COL19A1: variants seen among roughly 807,000 people sequenced by gnomAD.
COL19A1 encodes collagen type XIX alpha 1 chain.
In COL19A1, 159 loss-of-function variants were observed where a neutral mutation model predicts 190.2. The ratio of observed to expected loss-of-function variants is 0.84; its 90% CI spans 0.73 to 0.95. The LOEUF (loss-of-function observed/expected upper bound fraction) is 0.95. Ranked by LOEUF, COL19A1 falls within the 40% of genes least tolerant of loss-of-function variation. COL19A1 has a pLI of 0.00. For missense variants in COL19A1, 1,418 were observed against 1,431.9 expected (o/e 0.99, Z 0.16); for synonymous variants, 509 against 458.9 (o/e 1.11, Z -1.39).
At chr6:70,199,175 C>T (rs1767393748) in intron 48 of COL19A1, among the ~76,000 whole-genome samples, 1 of 152,196 alleles carries the variant, frequency 6.6e-6, no homozygotes, top group African/African-American at 2.4e-5. Context: ...TAAACTCCAA[C>T]TTTGGAAGAC....
chr6:69,976,437 C>T (rs981401277), intron 11 of COL19A1, among the ~76,000 whole-genome samples: 1 of 152,162 alleles, frequency 6.6e-6, no homozygotes, highest in Non-Finnish European at 1.5e-5. Flanking sequence ...TTACCAGATA[C>T]TGTGTTCAGC....
intron 11 of COL19A1, among the ~76,000 whole-genome samples, chr6:69,997,109 A>C (rs901307437): frequency 3.3e-5 from 5 of 151,908 alleles, no homozygotes; most frequent in African/African-American, 1.2e-4. Flanking sequence ...TGGGAAACTT[A>C]ATGCATATGT....
At chr6:69,984,001 C>G (rs1776184158) in intron 11 of COL19A1, among the ~76,000 whole-genome samples, 1 of 151,880 alleles carries the variant, frequency 6.6e-6, no homozygotes, top group African/African-American at 2.4e-5. Context: ...TTTCTTGTTT[C>G]CAGAAGGAGT....
At chr6:69,917,580 A>G (rs1327970484) in intron 4 of COL19A1, among the ~76,000 whole-genome samples, 1 of 152,204 alleles carries the variant, frequency 6.6e-6, no homozygotes, top group African/African-American at 2.4e-5. Context: ...ATAATTCTTA[A>G]AAAGTCAGGT....
chr6:70,102,245 G>C (rs1783683902), intron 16 of COL19A1, 23 bp downstream of exon 16: 1 of 1,551,662 alleles, frequency 6.4e-7, no homozygotes. Context: ...TACAATGACT[G>C]TCCCTTTAAA....
chr6:70,199,122 A>T (rs1385473069), intron 48 of COL19A1, among the ~76,000 whole-genome samples: 2 of 152,188 alleles, frequency 1.3e-5, no homozygotes, highest in African/African-American at 2.4e-5. Flanking sequence ...TTTTCTTTTC[A>T]CTAGAAATGA....
At chr6:69,920,507 C>A (rs1255363901) in intron 4 of COL19A1, among the ~76,000 whole-genome samples, 2 of 152,124 alleles carry the variant, frequency 1.3e-5, no homozygotes, top group Non-Finnish European at 2.9e-5. Context: ...AGAGCTGGCT[C>A]CCTCCCTCAG....
intron 11 of COL19A1, among the ~76,000 whole-genome samples, chr6:70,008,996 A>G (rs982999832): frequency 1.3e-5 from 2 of 152,004 alleles, no homozygotes; most frequent in Non-Finnish European, 2.9e-5. Flanking sequence ...AGAATAGAAG[A>G]GCAGTTTGTC....
chr6:69,945,212 T>C (rs1773721577), intron 9 of COL19A1, among the ~76,000 whole-genome samples: 1 of 152,060 alleles, frequency 6.6e-6, no homozygotes, highest in African/African-American at 2.4e-5. Flanking sequence ...TTTGCCAAAA[T>C]GTGTTGACTT....
intron 42 of COL19A1, among the ~76,000 whole-genome samples, chr6:70,176,989 A>C (rs1392993537): frequency 6.6e-6 from 1 of 152,164 alleles, no homozygotes; most frequent in Admixed American, 6.5e-5. Flanking sequence ...TCCTTAGCCC[A>C]GTGTTATTAG....
At chr6:69,988,508 G>A (rs533787212) in intron 11 of COL19A1, among the ~76,000 whole-genome samples, 1 of 152,048 alleles carries the variant, frequency 6.6e-6, no homozygotes, top group Non-Finnish European at 1.5e-5. Context: ...ATGCTATACC[G>A]GAATCATTTG....
At chr6:70,064,412 C>T (rs1329858654) in intron 14 of COL19A1, among the ~76,000 whole-genome samples, 1 of 152,114 alleles carries the variant, frequency 6.6e-6, no homozygotes, top group East Asian at 1.9e-4. Context: ...ATTCAACAGC[C>T]CTTCATGCTA....
intron 11 of COL19A1, among the ~76,000 whole-genome samples, chr6:69,978,392 A>G (rs1483985585): frequency 6.6e-6 from 1 of 152,124 alleles, no homozygotes; most frequent in Admixed American, 6.5e-5. Flanking sequence ...AAAAAAAATA[A>G]AAAACTCACC....
rs148023381 is a variant in COL19A1, at chr6:70,006,250, G to A, written c.1027-17377G>A. On this transcript the variant is annotated intron_variant, in intron 11 of 50. Coordinates refer to ENST00000620364, the MANE Select transcript of COL19A1 (RefSeq NM_001858.6). Reference sequence around the variant, plus strand: ...AGCTGAGAGCCTGTTGAGAATCTGCGCAGCTCTGGGGTTGGGACCCTAAGC... The same window carrying A: ...AGCTGAGAGCCTGTTGAGAATCTGCACAGCTCTGGGGTTGGGACCCTAAGC... 4.8e-3 allele frequency among the ~76,000 whole-genome samples: 731 copies of A among 152,278 alleles called. 4 individuals are homozygous for A. Among genetic ancestry groups the A allele is most frequent in the African/African-American group, 0.015 (606 of 41,550 alleles).
At chr6:70,053,523 A>G (rs891032833) in intron 14 of COL19A1, among the ~76,000 whole-genome samples, 49 of 152,326 alleles carry the variant, frequency 3.2e-4, no homozygotes, top group African/African-American at 1.2e-3. Flanking sequence ...TGCCATTAGT[A>G]CTGAATTGGA....
intron 9 of COL19A1, among the ~76,000 whole-genome samples, chr6:69,952,106 C>T (rs999561860): frequency 6.6e-6 from 1 of 151,808 alleles, no homozygotes; most frequent in Non-Finnish European, 1.5e-5. Flanking sequence ...TGTATCTGAC[C>T]CTAGGGATTC....
At chr6:70,046,624 T>C (rs940670092) in intron 14 of COL19A1, among the ~76,000 whole-genome samples, 1 of 152,188 alleles carries the variant, frequency 6.6e-6, no homozygotes, top group Non-Finnish European at 1.5e-5. Flanking sequence ...GAAGAATGAA[T>C]GACTATTAAG....
chr6:70,138,432 T>G (rs1419006245), intron 19 of COL19A1, among the ~76,000 whole-genome samples: 1 of 152,132 alleles, frequency 6.6e-6, no homozygotes, highest in African/African-American at 2.4e-5. Flanking sequence ...ATGACTTGTT[T>G]TAATGCTTCT....
At chr6:69,921,148 A>C (rs944979002) in intron 4 of COL19A1, among the ~76,000 whole-genome samples, 2 of 127,730 alleles carry the variant, frequency 1.6e-5, no homozygotes, top group Non-Finnish European at 3.1e-5. Flanking sequence ...TATATCACAT[A>C]TGTATCACGT....
Sources: allele counts gnomAD v4.1 joint callset (sites outside exome capture counted in the v4.1 genomes callset), GRCh38; gene constraint gnomAD v4.1.1; transcripts MANE v1.5; gene names NCBI Gene and HGNC (gene_info 2026-07-23, HGNC 2026-07-21).